The following TXLNB variants were observed in gnomAD, a reference collection of about 807,000 sequenced individuals.
The protein encoded by TXLNB is beta-taxilin.
A neutral mutation model predicts 57.4 loss-of-function variants in TXLNB; 37 were observed. The observed-to-expected ratio is 0.64, with a 90% CI of 0.50 to 0.85. The LOEUF is 0.85. Ranked by LOEUF, TXLNB falls within the 40% of genes least tolerant of loss-of-function variation. The pLI is 0.00. For missense variants in TXLNB, 848 were observed against 825.6 expected, an observed-to-expected ratio of 1.03 and a Z score of -0.33; for synonymous variants, 302 against 309.6, an observed-to-expected ratio of 0.98 and a Z score of 0.26.
chr6:139,319,933 T>TA, the TXLNB span, among the ~76,000 whole-genome samples: 28 of 151,226 alleles, frequency 1.9e-4, no homozygotes, highest in East Asian at 7.7e-4. Flanking sequence ...GGATAAAAAG[T>TA]AAAAAAAAAG....
At chr6:139,182,309 A>G in the TXLNB span, among the ~76,000 whole-genome samples, 1 of 152,340 alleles carries the variant, frequency 6.6e-6, no homozygotes, top group South Asian at 2.1e-4. Flanking sequence ...GACTTGGGAT[A>G]TGATTTCTAC....
At chr6:139,247,747 G>C (rs927644687) in intron 8 of TXLNB, 70 bp downstream of exon 8, 1 of 1,129,420 alleles carries the variant, frequency 8.9e-7, no homozygotes, top group African/African-American at 1.6e-5. Flanking sequence ...GAGAGAAAAA[G>C]GAAACCAAAG....
the TXLNB span, among the ~76,000 whole-genome samples, chr6:139,192,981 A>AC: frequency 4.0e-5 from 6 of 150,982 alleles, no homozygotes; most frequent in Admixed American, 2.0e-4. Context: ...AAAACAAAAA[A>AC]AAAAAACAAC....
chr6:139,162,988 C>T, the TXLNB span, among the ~76,000 whole-genome samples: 2 of 152,236 alleles, frequency 1.3e-5, no homozygotes, highest in Non-Finnish European at 2.9e-5. Context: ...CCTGGAGTCT[C>T]CCTGTTTCTG....
At chr6:139,258,632 T>C (rs774044216) in intron 6 of TXLNB, among the ~76,000 whole-genome samples, 1 of 152,242 alleles carries the variant, frequency 6.6e-6, no homozygotes, top group Non-Finnish European at 1.5e-5. Flanking sequence ...CTGAATTGAT[T>C]CTGGTCTGAT....
chr6:139,193,928 A>G, the TXLNB span, among the ~76,000 whole-genome samples: 59 of 142,214 alleles, frequency 4.1e-4, no homozygotes, highest in Non-Finnish European at 5.8e-4. Flanking sequence ...TGCAAGCTCC[A>G]CCTCCCGGGT....
At chr6:139,280,188 A>G (rs1396499245) in intron 2 of TXLNB, among the ~76,000 whole-genome samples, 2 of 150,730 alleles carry the variant, frequency 1.3e-5, no homozygotes, top group African/African-American at 4.9e-5. Context: ...GGAGGCAGAA[A>G]TTGCAGTGAG....
chr6:139,297,509 A>G, the TXLNB span, among the ~76,000 whole-genome samples: 3 of 152,322 alleles, frequency 2.0e-5, no homozygotes, highest in East Asian at 5.8e-4. Context: ...GTACTATTCT[A>G]CCATGGGCTG....
the TXLNB span, among the ~76,000 whole-genome samples, chr6:139,316,867 A>C: frequency 3.3e-5 from 5 of 152,312 alleles, no homozygotes; most frequent in South Asian, 1.0e-3. Flanking sequence ...AGCAGAAGGA[A>C]AGGCCTAGAA....
the TXLNB span, among the ~76,000 whole-genome samples, chr6:139,306,236 GTC>G: frequency 6.6e-6 from 1 of 152,302 alleles, no homozygotes; most frequent in South Asian, 2.1e-4. Context: ...TCAGAGAAAA[GTC>G]TGTCTCCTTC....
rs190299301 is a variant in TXLNB at position 139,282,312 on chromosome 6, C to T, written c.425-5391G>A. Among the ~76,000 whole-genome samples, 6 of 146,806 alleles carry T rather than the reference C, an allele frequency of 4.1e-5. 1 individual carries two copies. In the East Asian group the frequency reaches 9.9e-4, roughly 24 times the overall value. ...AGACTAGGGGCCGGGCGCGGTGGCTCACGTCTGCAATCCCAGCACTTTGGG... is the reference window on the plus strand; with the variant it reads ...AGACTAGGGGCCGGGCGCGGTGGCTTACGTCTGCAATCCCAGCACTTTGGG... On this transcript the variant is annotated intron_variant, in intron 2 of 9. Coordinates refer to ENST00000358430, the MANE Select transcript of TXLNB (RefSeq NM_153235.4).
the TXLNB span, among the ~76,000 whole-genome samples, chr6:139,230,701 T>A: frequency 6.6e-6 from 1 of 152,294 alleles, no homozygotes; most frequent in Middle Eastern, 3.4e-3. Flanking sequence ...TGGTGGTGCA[T>A]GCAATTATTT....
At position 139,243,158 on chromosome 6, in the gene TXLNB, C is replaced by T. The variant is rs751350246; in HGVS notation, c.1423G>A (p.Asp475Asn). ...EKDDQSQHNS[D>N]EEPESNVSVD... ...GAGACGTTTGACTCTGGCTCTTCAT[C>T]GGAGTTGTGCTGACTTTGGTCATCC... The change falls in exon 10 of 10, where the codon GAT becomes AAT. Residue 475 changes from aspartate (D) to asparagine (N), a missense_variant. Transcript: ENST00000358430. 7 of 1,614,164 alleles carry T rather than the reference C, an allele frequency of 4.3e-6. No individual in the cohort carries two copies. The South Asian group carries it at 4.4e-5, about 10-fold the overall frequency.
At chr6:139,195,965 C>T in the TXLNB span, among the ~76,000 whole-genome samples, 6 of 152,060 alleles carry the variant, frequency 3.9e-5, no homozygotes, top group Admixed American at 6.6e-5. Flanking sequence ...TCTAAAGAAT[C>T]CAACATACTC....
the TXLNB span, among the ~76,000 whole-genome samples, chr6:139,162,839 A>G: frequency 1.3e-5 from 2 of 152,152 alleles, no homozygotes; most frequent in African/African-American, 4.8e-5. Context: ...GTTCCCTCTC[A>G]TATGTCTTTA....
At chr6:139,275,881 T>C (rs1562284721) in intron 3 of TXLNB, among the ~76,000 whole-genome samples, 1 of 152,210 alleles carries the variant, frequency 6.6e-6, no homozygotes, top group Non-Finnish European at 1.5e-5. Context: ...TCAGCTGCAA[T>C]GGTAAATCTA....
chr6:139,190,222 T>G, the TXLNB span, among the ~76,000 whole-genome samples: 1 of 152,178 alleles, frequency 6.6e-6, no homozygotes, highest in Admixed American at 6.5e-5. Context: ...AGAAATGTAT[T>G]ATTTACAGTT....
At chr6:139,215,089 G>C in the TXLNB span, among the ~76,000 whole-genome samples, 2 of 152,064 alleles carry the variant, frequency 1.3e-5, no homozygotes, top group Admixed American at 1.3e-4. Flanking sequence ...TCCCCATCAA[G>C]CTACCAATGA....
chr6:139,291,206 C>T (rs1334895320), intron 1 of TXLNB, among the ~76,000 whole-genome samples: 2 of 152,148 alleles, frequency 1.3e-5, no homozygotes, highest in Non-Finnish European at 2.9e-5. Flanking sequence ...TGAGTCATGC[C>T]GTTTAGCACT....
Sources: gnomAD v4.1 joint callset for allele counts (sites outside exome capture counted in the v4.1 genomes callset) on GRCh38, gnomAD v4.1.1 for gene constraint, MANE v1.5 for transcripts, NCBI Gene and HGNC (gene_info 2026-07-23, HGNC 2026-07-21) for gene names.